The following STYXL2 variants were observed in gnomAD, a reference collection of about 807,000 sequenced individuals.
STYXL2 encodes serine/threonine/tyrosine interacting like 2, also known as serine/threonine/tyrosine-interacting-like protein 2.
In STYXL2, 44 loss-of-function variants were observed where a neutral mutation model predicts 52.4. The observed-to-expected ratio is 0.84, with a 90% CI of 0.66 to 1.08. The LOEUF is 1.08. Ranked by LOEUF, STYXL2 falls within the 50% of genes least tolerant of loss-of-function variation. The pLI is 0.00. For missense variants in STYXL2, 1,604 were observed against 1,471.7 expected (o/e 1.09, Z -1.47); for synonymous variants, 604 against 586.9 (o/e 1.03, Z -0.42).
rs374598924 is a variant in STYXL2 at position 167,127,259 on chromosome 1, C to A, written c.2128C>A (p.Leu710Met). The A allele has an allele frequency of 1.5e-5, 25 of 1,614,124 alleles. No individual in the cohort carries two copies. The highest frequency in any genetic ancestry group is 2.0e-5 in the Non-Finnish European group (24 of 1,180,054). ...TSNPTTPLPN[L>M]PVGPGDTISI... ...CAACCCCACCACACCCCTGCCTAAC[C>A]TGCCAGTGGGGCCTGGAGACACCAT... The change falls in exon 6 of 6, where the codon CTG (leucine) becomes ATG (methionine). Residue 710 changes from leucine (L) to methionine (M), a missense_variant. Transcript: ENST00000361200.
chr1:167,127,923 T>C lies in STYXL2; in HGVS notation c.2792T>C (p.Met931Thr). Reference sequence around the variant, plus strand: ...AGTGGCAGCAGAGTTGGCAAAGAGATGGATAGCAGTATTAATAAGTGGCTC... The same window carrying C: ...AGTGGCAGCAGAGTTGGCAAAGAGACGGATAGCAGTATTAATAAGTGGCTC... ...YASGSRVGKE[M>T]DSSINKWLSG... is the part of the protein sequence containing the mutation. Residue 931 changes from methionine to threonine, a missense_variant, in exon 6 of 6, where the codon ATG (methionine) becomes ACG (threonine). Coordinates refer to ENST00000361200, the MANE Select transcript of STYXL2 (RefSeq NM_001080426.3). 1 of 1,613,982 alleles carries C rather than the reference T, an allele frequency of 6.2e-7. No individual in the cohort carries two copies. The highest frequency in any genetic ancestry group is 8.5e-7 in the Non-Finnish European group (1 of 1,179,978).
At position 167,095,005 on chromosome 1, in the gene STYXL2, G is replaced by A. The variant is rs776345797; in HGVS notation, c.110+46G>A. 9 of 1,479,554 alleles carry A rather than the reference G, an allele frequency of 6.1e-6. No homozygotes were observed. In the South Asian group the frequency reaches 9.7e-5, roughly 16 times the overall value. 91.7% of individuals were successfully genotyped at this position (1,479,554 alleles called of 1,614,324 possible). A position where few individuals can be genotyped will look rare whatever the true frequency, so the allele number is the denominator to read the frequency against. On this transcript the variant is annotated intron_variant, in intron 2 of 5. Transcript: ENST00000361200. ...CACCCTCACAGCCCCAGCTGGGAGG[G>A]GCTGGGGACAGGTTGGGCCATTAGC...
intron 2 of STYXL2, among the ~76,000 whole-genome samples, chr1:167,099,737 TG>T (rs1667363248): frequency 6.6e-6 from 1 of 152,206 alleles, no homozygotes; most frequent in Non-Finnish European, 1.5e-5. Context: ...GCTAAACATA[TG>T]GTTGTCCTCT....
intron 5 of STYXL2, 139 bp from the exon 6 acceptor site, chr1:167,125,647 GC>G (rs1187456657): frequency 1.4e-5 from 18 of 1,289,572 alleles, no homozygotes; most frequent in African/African-American, 1.7e-5. Flanking sequence ...TGTGTCTTGA[GC>G]CCGGATGAAC....
Position 167,127,912 on chromosome 1 carries a change from T to A in STYXL2, c.2781T>A (p.Val927=). ...VCDHYASGSR[V]GKEMDSSINK... ...ATCACTATGCAAGTGGCAGCAGAGT[T>A]GGCAAAGAGATGGATAGCAGTATTA... The change falls in exon 6 of 6, where the codon GTT becomes GTA. Residue 927 remains valine (V), a synonymous_variant. Coordinates refer to ENST00000361200, the MANE Select transcript of STYXL2 (RefSeq NM_001080426.3). 1 of 1,614,106 alleles carries A rather than the reference T, an allele frequency of 6.2e-7. No individual in the cohort carries two copies.
chr1:167,123,575 A>G (rs560054872), intron 5 of STYXL2, among the ~76,000 whole-genome samples: 14 of 152,212 alleles, frequency 9.2e-5, no homozygotes, highest in Admixed American at 7.9e-4. Flanking sequence ...CGAGAGGAGA[A>G]AAAAGACAAG....
chr1:167,116,808 C>A (rs565050953), intron 3 of STYXL2, among the ~76,000 whole-genome samples: 1 of 152,158 alleles, frequency 6.6e-6, no homozygotes, highest in South Asian at 2.1e-4. Context: ...CTCTCCACCA[C>A]GCTTGGCTAA....
intron 2 of STYXL2, among the ~76,000 whole-genome samples, chr1:167,097,833 A>G (rs1210281220): frequency 2.0e-5 from 3 of 152,036 alleles, no homozygotes; most frequent in African/African-American, 7.2e-5. Context: ...TTTTTTTAAA[A>G]AGGCTACATG....
intron 5 of STYXL2, among the ~76,000 whole-genome samples, chr1:167,121,790 C>T (rs750122702): frequency 2.0e-5 from 3 of 152,258 alleles, no homozygotes; most frequent in Non-Finnish European, 4.4e-5. Context: ...GTCCAGATCC[C>T]TTGCAGGGTC....
rs1013558273 is a variant in STYXL2, at chr1:167,119,237, C to G, written c.438-12C>G. ...CCGACTCTTGCAAACAGGTCCCTGCCTCTTCCCGCAGGAGTGTGGCTGTGA... is the reference window on the plus strand; with the variant it reads ...CCGACTCTTGCAAACAGGTCCCTGCGTCTTCCCGCAGGAGTGTGGCTGTGA... On this transcript the variant is annotated splice_polypyrimidine_tract_variant and intron_variant, in intron 4 of 5. Coordinates refer to ENST00000361200, the MANE Select transcript of STYXL2 (RefSeq NM_001080426.3). 8.1e-6 allele frequency: 13 copies of G among 1,613,268 alleles called. No homozygotes were observed. The highest frequency in any genetic ancestry group is 3.3e-5 in the Admixed American group (2 of 59,974).
chr1:167,102,169 G>T (rs988361837), intron 2 of STYXL2, among the ~76,000 whole-genome samples: 1 of 151,996 alleles, frequency 6.6e-6, no homozygotes, highest in African/African-American at 2.4e-5. Context: ...GGGTGAGAGG[G>T]AGGGCTTAAA....
rs768387689 is a variant in STYXL2 at position 167,127,075 on chromosome 1, G to A, written c.1944G>A (p.Ala648=). Residue 648 remains alanine (A), a synonymous_variant, in exon 6 of 6, where the codon GCG becomes GCA. Coordinates refer to ENST00000361200, the MANE Select transcript of STYXL2 (RefSeq NM_001080426.3). ...GCCAGTCTATGGCAAGCTGGGAGGC[G>A]GACAGCTCCACGGCCAGCGGGAGCA... The part of the protein sequence containing the change: ...EESQSMASWE[A]DSSTASGSIP... 4.2e-5 allele frequency: 68 copies of A among 1,612,830 alleles called. No homozygotes were observed. The highest frequency in any genetic ancestry group is 5.1e-5 in the Non-Finnish European group (60 of 1,179,314).
intron 2 of STYXL2, among the ~76,000 whole-genome samples, chr1:167,101,929 A>T (rs191972636): frequency 6.6e-6 from 1 of 152,248 alleles, no homozygotes; most frequent in African/African-American, 2.4e-5. Flanking sequence ...GGATAAACAC[A>T]TTGTGTCACA....
intron 2 of STYXL2, among the ~76,000 whole-genome samples, chr1:167,108,840 G>A (rs1001531876): frequency 6.6e-6 from 1 of 152,202 alleles, no homozygotes; most frequent in Non-Finnish European, 1.5e-5. Flanking sequence ...CCAAAAAACT[G>A]TGAATGCCCA....
intron 5 of STYXL2, among the ~76,000 whole-genome samples, chr1:167,121,340 G>T (rs1328950715): frequency 2.6e-5 from 4 of 152,222 alleles, no homozygotes; most frequent in Non-Finnish European, 4.4e-5. Flanking sequence ...AATGTAGGAC[G>T]TTTGACCAAC....
chr1:167,110,805 C>T (rs913023808), intron 2 of STYXL2, among the ~76,000 whole-genome samples: 3 of 152,206 alleles, frequency 2.0e-5, no homozygotes, highest in African/African-American at 7.2e-5. Flanking sequence ...GCCCTTACCA[C>T]ATCCTTTCCC....
Position 167,126,561 on chromosome 1 carries a change from G to A in STYXL2, c.1430G>A (p.Trp477Ter). ...RADSMSSESTWDAWNERLLEI... is the reference protein window; with the variant it reads ...RADSMSSEST ...GACTCGATGTCCTCGGAGAGCACCT[G>A]GGACGCATGGAACGAGAGGCTGCTG... The change falls in exon 6 of 6, where the codon TGG (tryptophan) becomes TAG (stop). Residue 477 changes from tryptophan (W) to a stop codon, truncating the protein, a stop_gained. Transcript: ENST00000361200. LOFTEE classifies it low-confidence loss of function (END_TRUNC). The A allele has an allele frequency of 6.2e-7, 1 of 1,613,994 alleles. No homozygotes were observed. The highest frequency in any genetic ancestry group is 1.1e-5 in the South Asian group (1 of 91,076).
chr1:167,127,100 A>T lies in STYXL2; in HGVS notation c.1969A>T (p.Ile657Phe). The T allele has an allele frequency of 1.2e-6, 2 of 1,613,906 alleles. No individual in the cohort carries two copies. Among genetic ancestry groups the T allele is most frequent in the Non-Finnish European group, 1.7e-6 (2 of 1,179,866 alleles). Reference protein sequence around the residue: ...EADSSTASGSIPLSAFWSADP... With the variant: ...EADSSTASGSFPLSAFWSADP... ...GGACAGCTCCACGGCCAGCGGGAGC[A>T]TTCCCCTGTCTGCGTTCTGGTCTGC... Residue 657 changes from isoleucine (I) to phenylalanine (F), a missense_variant, in exon 6 of 6, where the codon ATT becomes TTT. Physicochemically the swap from Ile to Phe is conservative, Grantham distance 21. Coordinates refer to ENST00000361200, the MANE Select transcript of STYXL2 (RefSeq NM_001080426.3).
chr1:167,107,045 G>A (rs1349280858), intron 2 of STYXL2, among the ~76,000 whole-genome samples: 3 of 152,128 alleles, frequency 2.0e-5, no homozygotes, highest in East Asian at 1.9e-4. Context: ...GTTTCATATG[G>A]CATCAGCTGG....
Sources: gnomAD v4.1 joint callset for allele counts (sites outside exome capture counted in the v4.1 genomes callset) on GRCh38, gnomAD v4.1.1 for gene constraint, MANE v1.5 for transcripts, NCBI Gene and HGNC (gene_info 2026-07-23, HGNC 2026-07-21) for gene names.